The following HLCS variants were observed in gnomAD, a reference collection of about 807,000 sequenced individuals.
The protein encoded by HLCS is biotin--protein ligase.
HLCS carries 53 observed loss-of-function variants against 75.0 expected under a neutral mutation model. That is an observed-to-expected ratio of 0.71 (90% CI 0.57 to 0.89). The LOEUF is 0.89. HLCS is among the 40% of genes least tolerant of loss of function. HLCS has a pLI of 0.00. For missense variants in HLCS, 966 were observed against 1,074.0 expected, an observed-to-expected ratio of 0.90 and a Z score of 1.41; for synonymous variants, 431 against 428.6, an observed-to-expected ratio of 1.01 and a Z score of -0.07.
chr21:36,800,358 G>A (rs2061161928), intron 6 of HLCS, among the ~76,000 whole-genome samples: 1 of 152,160 alleles, frequency 6.6e-6, no homozygotes, highest in Non-Finnish European at 1.5e-5. Context: ...CAAAGAAACA[G>A]CAGTCATTTG....
intron 6 of HLCS, among the ~76,000 whole-genome samples, chr21:36,816,100 G>A (rs940336290): frequency 2.6e-5 from 4 of 152,116 alleles, no homozygotes; most frequent in East Asian, 3.9e-4. Context: ...CAGACTACTT[G>A]TGCTGAATTC....
chr21:36,912,071 CAAA>C (rs71328522), intron 5 of HLCS, among the ~76,000 whole-genome samples: 2 of 83,654 alleles, frequency 2.4e-5, no homozygotes, highest in African/African-American at 4.1e-5. Flanking sequence ...AACTCCGTCT[CAAA>C]AAAAAAAAAA....
At chr21:36,889,512 A>C (rs1323214062) in intron 6 of HLCS, among the ~76,000 whole-genome samples, 1 of 152,244 alleles carries the variant, frequency 6.6e-6, no homozygotes, top group East Asian at 1.9e-4. Context: ...ACTATCATTT[A>C]TCAGGAGATT....
chr21:36,837,631 A>T (rs1238595970), intron 6 of HLCS, among the ~76,000 whole-genome samples: 1 of 152,144 alleles, frequency 6.6e-6, no homozygotes, highest in African/African-American at 2.4e-5. Context: ...AATTATACTT[A>T]AAAAAATTAT....
chr21:36,983,706 G>A (rs1236966736), intron 1 of HLCS, among the ~76,000 whole-genome samples: 2 of 151,556 alleles, frequency 1.3e-5, no homozygotes, highest in East Asian at 2.0e-4. Flanking sequence ...GCGTGGTGGC[G>A]GGCACCTGTA....
upstream of HLCS, among the ~76,000 whole-genome samples, chr21:36,968,002 G>A (rs1338245701): frequency 6.6e-6 from 1 of 151,152 alleles, no homozygotes; most frequent in Non-Finnish European, 1.5e-5. Context: ...TTACAGGCGT[G>A]AACCACCGCG....
chr21:36,875,727 T>C (rs992024087), intron 6 of HLCS, among the ~76,000 whole-genome samples: 1 of 152,314 alleles, frequency 6.6e-6, no homozygotes, highest in South Asian at 2.1e-4. Context: ...TACCTCCTTC[T>C]TCCTGGATGC....
At chr21:36,859,148 G>A (rs534471834) in intron 6 of HLCS, among the ~76,000 whole-genome samples, 1 of 152,266 alleles carries the variant, frequency 6.6e-6, no homozygotes, top group African/African-American at 2.4e-5. Flanking sequence ...TCAGCCTCCT[G>A]AGTAGCTGGG....
chr21:36,976,729 T>C (rs1315594129), intron 1 of HLCS, among the ~76,000 whole-genome samples: 2 of 152,176 alleles, frequency 1.3e-5, no homozygotes, highest in African/African-American at 4.8e-5. Flanking sequence ...CCTAAAATTA[T>C]TTCAAAATAA....
intron 6 of HLCS, among the ~76,000 whole-genome samples, chr21:36,779,909 C>T (rs1035097093): frequency 1.3e-5 from 2 of 152,166 alleles, no homozygotes; most frequent in Admixed American, 1.3e-4. Flanking sequence ...CTCCCCTACC[C>T]ATTCCTTCTA....
chr21:36,963,312 C>T (rs2068404072), intron 1 of HLCS, among the ~76,000 whole-genome samples: 1 of 152,150 alleles, frequency 6.6e-6, no homozygotes, highest in Non-Finnish European at 1.5e-5. Context: ...CTTTCACCAT[C>T]ACCCAGAACG....
chr21:36,895,268 G>A (rs942922941), intron 6 of HLCS, among the ~76,000 whole-genome samples: 1 of 152,174 alleles, frequency 6.6e-6, no homozygotes, highest in Non-Finnish European at 1.5e-5. Flanking sequence ...TTCAGAAAAT[G>A]TAACTATCGC....
intron 9 of HLCS, among the ~76,000 whole-genome samples, chr21:36,757,327 G>A (rs572412200): frequency 1.3e-3 from 197 of 152,258 alleles, no homozygotes; most frequent in Middle Eastern, 3.4e-3. Context: ...GCAAGACGCC[G>A]ACTCATGTTC....
intron 6 of HLCS, among the ~76,000 whole-genome samples, chr21:36,846,908 C>T (rs776659006): frequency 1.3e-5 from 2 of 152,150 alleles, no homozygotes; most frequent in Admixed American, 6.5e-5. Flanking sequence ...TAGAGCCATC[C>T]GCTCATCCTT....
intron 5 of HLCS, among the ~76,000 whole-genome samples, chr21:36,915,990 A>G (rs778504210): frequency 9.2e-5 from 14 of 152,216 alleles, no homozygotes; most frequent in Non-Finnish European, 2.1e-4. Context: ...AAATGTGCTT[A>G]CTAAATGTCT....
intron 5 of HLCS, among the ~76,000 whole-genome samples, chr21:36,900,373 G>A (rs923312029): frequency 6.6e-6 from 1 of 152,158 alleles, no homozygotes; most frequent in Non-Finnish European, 1.5e-5. Flanking sequence ...CAAGTGCAGA[G>A]GCTCCCGGAG....
At chr21:36,882,615 T>C (rs2064273556) in intron 6 of HLCS, among the ~76,000 whole-genome samples, 1 of 137,096 alleles carries the variant, frequency 7.3e-6, no homozygotes, top group African/African-American at 3.0e-5. Flanking sequence ...TAATTTTCTT[T>C]CTTTCTTTTT....
At position 36,752,622 on chromosome 21, in the gene HLCS, A is replaced by G. The variant is rs1368288185; in HGVS notation, c.*1624T>C. ...TTTGAAAGAAGGCTTGGGCATTTGG[A>G]GAAGAGTGGTTTTTTTTGTGTTTTT... is the stretch of plus-strand genomic sequence containing the variant. On this transcript the variant is annotated 3_prime_UTR_variant, in exon 11 of 11. Coordinates refer to ENST00000674895, the MANE Select transcript of HLCS (RefSeq NM_001352514.2). The G allele has an allele frequency of 6.6e-6, 1 of 152,606 alleles. No homozygotes were observed. The highest frequency in any genetic ancestry group is 1.5e-5 in the Non-Finnish European group (1 of 68,042). 9.5% of individuals were successfully genotyped at this position (152,606 alleles called of 1,614,324 possible).
At chr21:36,885,625 T>TA (rs747140745) in intron 6 of HLCS, among the ~76,000 whole-genome samples, 26 of 152,178 alleles carry the variant, frequency 1.7e-4, no homozygotes, top group Non-Finnish European at 2.6e-4. Flanking sequence ...TAAAAAGAAT[T>TA]GCACACAAAG....
Sources: gnomAD v4.1 joint callset for allele counts (sites outside exome capture counted in the v4.1 genomes callset) on GRCh38, gnomAD v4.1.1 for gene constraint, MANE v1.5 for transcripts, NCBI Gene and HGNC (gene_info 2026-07-23, HGNC 2026-07-21) for gene names.